NUP58: variants seen among roughly 807,000 people sequenced by gnomAD.
NUP58 encodes the protein nucleoporin p58/p45.
Under a neutral mutation model 70.1 loss-of-function variants are expected in NUP58, and 17 were observed. The ratio of observed to expected loss-of-function variants is 0.24; its 90% CI spans 0.17 to 0.36. NUP58 has a LOEUF of 0.36. Ranked by LOEUF, NUP58 falls within the 10% of genes least tolerant of loss-of-function variation. The pLI is 1.00. For missense variants in NUP58, 644 were observed against 701.5 expected (o/e 0.92, Z 0.93); for synonymous variants, 275 against 257.6 (o/e 1.07, Z -0.65).
At chr13:25,336,665 C>T (rs927164716) in intron 13 of NUP58, among the ~76,000 whole-genome samples, 35 of 152,076 alleles carry the variant, frequency 2.3e-4, no homozygotes, top group Admixed American at 7.9e-4. Context: ...ATTAAACTAA[C>T]GTCTTTCATT....
chr13:25,321,601 C>G (rs1393165315), intron 9 of NUP58, among the ~76,000 whole-genome samples: 3 of 152,100 alleles, frequency 2.0e-5, no homozygotes, highest in Non-Finnish European at 4.4e-5. Context: ...TGATGACTTG[C>G]AAGTCGTGGT....
chr13:25,331,076 C>T (rs184203515), intron 12 of NUP58, among the ~76,000 whole-genome samples: 32 of 152,240 alleles, frequency 2.1e-4, no homozygotes, highest in African/African-American at 7.5e-4. Context: ...AAATATTACT[C>T]TGTCTAAAAG....
rs556541627 is a variant in NUP58, at chr13:25,313,762, G to A, written c.574+11G>A. 4.0e-6 allele frequency: 6 copies of A among 1,513,718 alleles called. No individual in the cohort carries two copies. In the African/African-American group the frequency reaches 7.3e-5, roughly 19 times the overall value. 93.8% of individuals were successfully genotyped at this position (1,513,718 alleles called of 1,614,324 possible). ...ACACAGGAACATCAGGTAATTGATG[G>A]TATTTATTCTCCAGAATAGTAAATA... On this transcript the variant is annotated intron_variant, in intron 5 of 15. Coordinates refer to ENST00000381736, the MANE Select transcript of NUP58 (RefSeq NM_014089.4).
chr13:25,327,064 G>T, intron 11 of NUP58, 30 bp downstream of exon 11: 3 of 1,323,624 alleles, frequency 2.3e-6, no homozygotes, highest in South Asian at 1.3e-5. Context: ...AATTTTTTTT[G>T]AACTTTTGTT....
intron 1 of NUP58, among the ~76,000 whole-genome samples, chr13:25,307,414 C>T (rs1249614292): frequency 6.6e-6 from 1 of 151,956 alleles, no homozygotes; most frequent in Non-Finnish European, 1.5e-5. Context: ...CGAGGTTTCA[C>T]CCTGTTGGTC....
intron 1 of NUP58, among the ~76,000 whole-genome samples, chr13:25,306,393 C>CA (rs1030000370): frequency 0.065 from 3,538 of 54,656 alleles, 180 homozygotes; most frequent in East Asian, 0.16. Flanking sequence ...GACTCCGTCT[C>CA]AAAAAAAAAA....
At position 25,340,166 on chromosome 13, in the gene NUP58, C is replaced by G. The variant is rs1468180942; in HGVS notation, c.*32C>G. 1 of 1,544,848 alleles carries G rather than the reference C, an allele frequency of 6.5e-7. No homozygotes were observed. ...GTTGATGTGTTGAGAGAATCCATAG[C>G]AGCACCGTTCATTCTATGAGTCTAT... On this transcript the variant is annotated 3_prime_UTR_variant, in exon 16 of 16. Coordinates refer to ENST00000381736, the MANE Select transcript of NUP58 (RefSeq NM_014089.4).
At chr13:25,332,447 C>A in intron 13 of NUP58, 1 of 983,854 alleles carries the variant, frequency 1.0e-6, no homozygotes, top group Non-Finnish European at 1.2e-6. Flanking sequence ...TTATTTTAAT[C>A]ATTCATAAAT....
rs73470464 is a variant in NUP58 at position 25,333,816 on chromosome 13, A to T, written c.1435+2258A>T. 1,172 of 985,362 alleles carry T rather than the reference A, an allele frequency of 1.2e-3. 5 individuals carry two copies. The African/African-American group carries it at 0.018, about 15-fold the overall frequency. The allele number at this position is 985,362 out of a possible 1,614,324, so 61.0% of individuals were successfully genotyped here. ...CAGTAACAAATTTTAGACCATCTAG[A>T]TGAGGGTAGAGAGAGCTTATGCATT... On this transcript the variant is annotated intron_variant, in intron 13 of 15. Transcript: ENST00000381736.
chr13:25,313,007 G>T lies in NUP58; in HGVS notation c.411G>T (p.Ser137=), dbSNP rs144849136. Residue 137 remains serine, a synonymous_variant, in exon 4 of 16, where the codon TCG becomes TCT. Transcript: ENST00000381736. ...CCTCAGCTAGCGGTCTGACTCTTTC[G>T]TCTGCTCTGACATCAACTCCAGCAG... ...TSTSASGLTL[S]SALTSTPAAS... The T allele has an allele frequency of 6.2e-6, 10 of 1,613,784 alleles. No homozygotes were observed. The African/African-American group carries it at 6.7e-5, about 11-fold the overall frequency.
chr13:25,304,271 C>T (rs891153010), intron 1 of NUP58, among the ~76,000 whole-genome samples: 2 of 151,814 alleles, frequency 1.3e-5, no homozygotes, highest in South Asian at 2.1e-4. Context: ...CCTATCAAGT[C>T]CTTGGCAGAT....
intron 13 of NUP58, chr13:25,332,022 T>G: frequency 9.9e-7 from 1 of 1,013,122 alleles, no homozygotes; most frequent in Non-Finnish European, 1.2e-6. Flanking sequence ...TGAAGTATGC[T>G]TTTATTGACT....
At chr13:25,333,351 TGAG>T in intron 13 of NUP58, 1 of 985,392 alleles carries the variant, frequency 1.0e-6, no homozygotes, top group Non-Finnish European at 1.2e-6. Flanking sequence ...GGAGTATTCT[TGAG>T]GAGCCTTTTG....
chr13:25,331,340 G>A lies in NUP58; in HGVS notation c.1234-17G>A, dbSNP rs749868407. 2 of 1,607,356 alleles carry A rather than the reference G, an allele frequency of 1.2e-6. No homozygotes were observed. Among genetic ancestry groups the A allele is most frequent in the African/African-American group, 1.4e-5 (1 of 71,394 alleles). ...ATGTGAAACTTCATTTAGCCGTTTT[G>A]TTTATTATTCTTTTAGGTTCTGAAA... On this transcript the variant is annotated splice_polypyrimidine_tract_variant and intron_variant, in intron 12 of 15. Coordinates refer to ENST00000381736, the MANE Select transcript of NUP58 (RefSeq NM_014089.4).
chr13:25,327,595 A>G (rs879816715), intron 12 of NUP58, 83 bp downstream of exon 12: 1 of 786,500 alleles, frequency 1.3e-6, no homozygotes, highest in Non-Finnish European at 2.1e-6. Context: ...TCCATGCTTG[A>G]TACAGAAATA....
In NUP58 at chr13:25,341,831, G is replaced by A. The variant is rs1593205187; in HGVS notation, c.*1697G>A. ...TTATATAAAAGGTTTTGTATATAAT[G>A]TGTGTCAGTGACTATTTTCAAAATC... On this transcript the variant is annotated 3_prime_UTR_variant, in exon 16 of 16. Coordinates refer to ENST00000381736, the MANE Select transcript of NUP58 (RefSeq NM_014089.4). The A allele has an allele frequency of 1.3e-5, 2 of 152,588 alleles. No individual in the cohort carries two copies. The highest frequency in any genetic ancestry group is 6.5e-5 in the Admixed American group (1 of 15,278). The allele number at this position is 152,588 out of a possible 1,614,324, so 9.5% of individuals were successfully genotyped here.
downstream of NUP58, among the ~76,000 whole-genome samples, chr13:25,342,809 AC>A (rs554259195): frequency 7.9e-5 from 12 of 152,084 alleles, no homozygotes; most frequent in South Asian, 2.5e-3. Flanking sequence ...ATTTTTTATC[AC>A]ATTTTATTCT....
chr13:25,334,391 C>A, intron 13 of NUP58: 1 of 985,322 alleles, frequency 1.0e-6, no homozygotes, highest in South Asian at 4.7e-5. Flanking sequence ...GACTTAGCTG[C>A]TGTTTTAAGG....
chr13:25,346,674 C>G (rs147512062), downstream of NUP58, among the ~76,000 whole-genome samples: 2 of 149,930 alleles, frequency 1.3e-5, no homozygotes, highest in African/African-American at 4.9e-5. Context: ...GAGCAGAGAT[C>G]GCACCATTGC....
Sources: allele counts gnomAD v4.1 joint callset (sites outside exome capture counted in the v4.1 genomes callset), GRCh38; gene constraint gnomAD v4.1.1; transcripts MANE v1.5; gene names NCBI Gene and HGNC (gene_info 2026-07-23, HGNC 2026-07-21).